The following OSBPL9 variants were observed in gnomAD, a reference collection of about 807,000 sequenced individuals.
The protein encoded by OSBPL9 is oxysterol binding protein like 9.
Under a neutral mutation model 106.6 loss-of-function variants are expected in OSBPL9, and 40 were observed. The ratio of observed to expected loss-of-function variants is 0.38; its 90% CI spans 0.29 to 0.49. OSBPL9 has a LOEUF of 0.49. Ranked by LOEUF, OSBPL9 falls within the 20% of genes least tolerant of loss-of-function variation. The pLI is 0.97. For synonymous variants in OSBPL9, 269 were observed against 295.4 expected, an observed-to-expected ratio of 0.91 and a Z score of 0.92; for missense variants, 609 against 887.2, an observed-to-expected ratio of 0.69 and a Z score of 3.98.
intron 1 of OSBPL9, among the ~76,000 whole-genome samples, chr1:51,630,285 C>T (rs138821366): frequency 1.3e-5 from 2 of 152,150 alleles, no homozygotes; most frequent in Non-Finnish European, 2.9e-5. Flanking sequence ...TCTCCCGGCG[C>T]TGGGTCAGGG....
chr1:51,765,804 A>G lies in OSBPL9; in HGVS notation c.779-18A>G. ...TCTTTCACCAATATTTTTCTCTAAA[A>G]CCCTTTTAACTTCCTAGGCAGTGGC... On this transcript the variant is annotated intron_variant, in intron 11 of 23. Coordinates refer to ENST00000428468, the MANE Select transcript of OSBPL9 (RefSeq NM_024586.6). 3.8e-6 allele frequency: 6 copies of G among 1,588,892 alleles called. No homozygotes were observed. Among genetic ancestry groups the G allele is most frequent in the Non-Finnish European group, 5.1e-6 (6 of 1,170,542 alleles).
intron 1 of OSBPL9, among the ~76,000 whole-genome samples, chr1:51,651,198 C>T (rs1024058290): frequency 1.8e-4 from 27 of 152,130 alleles, no homozygotes; most frequent in African/African-American, 6.5e-4. Flanking sequence ...AACTGAGGGA[C>T]ATTGGATGAG....
chr1:51,570,566 A>G, the OSBPL9 span, among the ~76,000 whole-genome samples: 1 of 152,236 alleles, frequency 6.6e-6, no homozygotes, highest in African/African-American at 2.4e-5. Flanking sequence ...TGACAGAGTC[A>G]CAAATGAAAT....
intron 9 of OSBPL9, among the ~76,000 whole-genome samples, chr1:51,758,328 G>A (rs540387648): frequency 1.2e-3 from 182 of 151,610 alleles, no homozygotes; most frequent in African/African-American, 4.0e-3. Flanking sequence ...AAAAAATGCT[G>A]ATTGGTTAAC....
At chr1:51,545,365 A>T in the OSBPL9 span, among the ~76,000 whole-genome samples, 1 of 152,118 alleles carries the variant, frequency 6.6e-6, no homozygotes, top group Non-Finnish European at 1.5e-5. Flanking sequence ...AATATACAGA[A>T]CTCAACCTGG....
intron 2 of OSBPL9, among the ~76,000 whole-genome samples, chr1:51,656,290 CGAT>C (rs934676844): frequency 1.3e-5 from 2 of 152,070 alleles, no homozygotes; most frequent in African/African-American, 4.8e-5. Context: ...TGGATGACAA[CGAT>C]GATGATGATG....
intron 3 of OSBPL9, among the ~76,000 whole-genome samples, chr1:51,702,345 T>A (rs1213346498): frequency 1.3e-5 from 2 of 152,182 alleles, no homozygotes; most frequent in African/African-American, 4.8e-5. Context: ...CCATTCTAAC[T>A]GGTGTGAGAT....
chr1:51,529,911 C>G, the OSBPL9 span, among the ~76,000 whole-genome samples: 1 of 151,598 alleles, frequency 6.6e-6, no homozygotes, highest in Non-Finnish European at 1.5e-5. Context: ...GTGGCTCACG[C>G]CTGTAAACCC....
chr1:51,673,186 G>T (rs1650314840), intron 3 of OSBPL9, among the ~76,000 whole-genome samples: 1 of 152,190 alleles, frequency 6.6e-6, no homozygotes. Flanking sequence ...ACAAGAAAAG[G>T]TGTTTCTAGG....
intron 3 of OSBPL9, among the ~76,000 whole-genome samples, chr1:51,672,806 T>C (rs924763030): frequency 6.6e-6 from 1 of 152,172 alleles, no homozygotes; most frequent in African/African-American, 2.4e-5. Context: ...AAGTGGAAGA[T>C]TGCAGGAGGA....
At chr1:51,739,396 A>T (rs769582518) in intron 4 of OSBPL9, among the ~76,000 whole-genome samples, 22 of 151,956 alleles carry the variant, frequency 1.4e-4, no homozygotes, top group Non-Finnish European at 2.8e-4. Flanking sequence ...TTTAATATAC[A>T]TTGTGCATCC....
At chr1:51,556,342 G>A in the OSBPL9 span, among the ~76,000 whole-genome samples, 1 of 151,998 alleles carries the variant, frequency 6.6e-6, no homozygotes, top group Non-Finnish European at 1.5e-5. Flanking sequence ...CAATTTCATG[G>A]GAGTATTTGT....
At chr1:51,772,281 G>A (rs1382011996) in intron 13 of OSBPL9, 99 bp downstream of exon 13, 1 of 957,498 alleles carries the variant, frequency 1.0e-6, no homozygotes, top group Admixed American at 2.3e-5. Context: ...GGAGACCGAG[G>A]TGGGCAGATC....
chr1:51,632,114 C>G (rs1479622894), intron 1 of OSBPL9, among the ~76,000 whole-genome samples: 2 of 151,700 alleles, frequency 1.3e-5, no homozygotes, highest in Non-Finnish European at 2.9e-5. Flanking sequence ...TATATATACA[C>G]GTATATATAA....
chr1:51,537,529 A>G, the OSBPL9 span, among the ~76,000 whole-genome samples: 3 of 152,158 alleles, frequency 2.0e-5, no homozygotes, highest in African/African-American at 7.2e-5. Context: ...AAGGGGAAAA[A>G]TAGTAACCTA....
chr1:51,714,910 A>T (rs1243540578), intron 4 of OSBPL9, among the ~76,000 whole-genome samples: 2 of 152,114 alleles, frequency 1.3e-5, no homozygotes, highest in Non-Finnish European at 2.9e-5. Flanking sequence ...ATCCTACCCA[A>T]CCCGACCCGC....
At chr1:51,525,494 C>T in the OSBPL9 span, among the ~76,000 whole-genome samples, 4 of 152,178 alleles carry the variant, frequency 2.6e-5, no homozygotes, top group African/African-American at 9.6e-5. Flanking sequence ...TGACATCTCA[C>T]ATTATAGCAC....
intron 2 of OSBPL9, among the ~76,000 whole-genome samples, chr1:51,654,058 A>G (rs1170286917): frequency 6.6e-6 from 1 of 151,940 alleles, no homozygotes; most frequent in African/African-American, 2.4e-5. Flanking sequence ...ACCTATAAGA[A>G]TTTTCCATAG....
At chr1:51,550,485 AT>A in the OSBPL9 span, among the ~76,000 whole-genome samples, 2 of 152,144 alleles carry the variant, frequency 1.3e-5, no homozygotes, top group Non-Finnish European at 2.9e-5. Context: ...TGCTCAGTAA[AT>A]ACTAATACAT....
Sources: allele counts gnomAD v4.1 joint callset (sites outside exome capture counted in the v4.1 genomes callset), GRCh38; gene constraint gnomAD v4.1.1; transcripts MANE v1.5; gene names NCBI Gene and HGNC (gene_info 2026-07-23, HGNC 2026-07-21).